Variants in SCAF4 observed in about 807,000 individuals in gnomAD.
SCAF4 encodes the protein SR-related and CTD-associated factor 4.
In SCAF4, 25 loss-of-function variants were observed where a neutral mutation model predicts 129.8. The ratio of observed to expected loss-of-function variants is 0.19; its 90% confidence interval spans 0.14 to 0.27. The LOEUF (loss-of-function observed/expected upper bound fraction) is 0.27, where lower values mean the gene tolerates loss of function less well. Among genes scored for constraint, SCAF4 ranks in the 10% least tolerant of loss-of-function variants. SCAF4 has a pLI of 1.00. For missense variants in SCAF4, 1,246 were observed against 1,457.1 expected (o/e 0.86, Z 2.36); for synonymous variants, 551 against 497.7 (o/e 1.11, Z -1.43).
chr21:31,722,377 A>T (rs997792823), intron 1 of SCAF4, among the ~76,000 whole-genome samples: 15 of 152,174 alleles, frequency 9.9e-5, no homozygotes, highest in African/African-American at 3.6e-4. Context: ...TAGTATATTC[A>T]AAATTATAGC....
chr21:31,688,745 G>A (rs982773329), intron 15 of SCAF4, among the ~76,000 whole-genome samples: 12 of 152,188 alleles, frequency 7.9e-5, no homozygotes, highest in Non-Finnish European at 1.8e-4. Flanking sequence ...TTTCACAAAT[G>A]AGAAAAGCAA....
chr21:31,672,491 AC>A, intron 19 of SCAF4, 137 bp from the exon 20 acceptor site: 1 of 729,180 alleles, frequency 1.4e-6, no homozygotes, highest in Non-Finnish European at 2.3e-6. Flanking sequence ...TCTGTCACAA[AC>A]CCAGTGTGAG....
chr21:31,671,236 G>T lies in SCAF4; in HGVS notation c.*163C>A. 1 of 570,554 alleles carries T rather than the reference G, an allele frequency of 1.8e-6. No homozygotes were observed. Among genetic ancestry groups the T allele is most frequent in the Non-Finnish European group, 2.8e-6 (1 of 355,416 alleles). The allele number at this position is 570,554 out of a possible 1,614,324, so 35.3% of individuals were successfully genotyped here. ...TATTTTCAGTATTTTTTGTTATTTTGTGGCTATTTTTAAATAGAAGGGAAG... is the reference window on the plus strand; with the variant it reads ...TATTTTCAGTATTTTTTGTTATTTTTTGGCTATTTTTAAATAGAAGGGAAG... On this transcript the variant is annotated 3_prime_UTR_variant, in exon 20 of 20. Coordinates refer to ENST00000286835, the MANE Select transcript of SCAF4 (RefSeq NM_020706.2).
At chr21:31,712,636 C>T (rs1263237123) in intron 1 of SCAF4, among the ~76,000 whole-genome samples, 3 of 151,136 alleles carry the variant, frequency 2.0e-5, no homozygotes, top group Non-Finnish European at 1.5e-5. Context: ...TTAAGTGACT[C>T]TCCTGCCTCA....
intron 1 of SCAF4, among the ~76,000 whole-genome samples, chr21:31,712,682 C>T (rs1186743389): frequency 1.3e-5 from 2 of 152,016 alleles, no homozygotes; most frequent in Non-Finnish European, 2.9e-5. Context: ...GCGCCTGCCA[C>T]CATGCCTGGC....
intron 19 of SCAF4, among the ~76,000 whole-genome samples, chr21:31,676,621 T>C (rs1434884210): frequency 6.6e-6 from 1 of 152,222 alleles, no homozygotes; most frequent in African/African-American, 2.4e-5. Flanking sequence ...CATTCTCATG[T>C]CCTGGATGAG....
intron 2 of SCAF4, among the ~76,000 whole-genome samples, chr21:31,705,741 G>A (rs2050643099): frequency 6.6e-6 from 1 of 152,014 alleles, no homozygotes; most frequent in Non-Finnish European, 1.5e-5. Flanking sequence ...GCAACCTTAT[G>A]GGACAAAACC....
At chr21:31,698,568 T>C (rs8132446) in intron 7 of SCAF4, among the ~76,000 whole-genome samples, 6,240 of 152,168 alleles carry the variant, frequency 0.041, 441 homozygotes, top group African/African-American at 0.14. Context: ...CTAATCTAGG[T>C]GTTGCTGTGA....
chr21:31,712,905 AAAATAATCAGTGCTTAAT>A, intron 1 of SCAF4: 1 of 965,122 alleles, frequency 1.0e-6, no homozygotes, highest in Non-Finnish European at 1.2e-6. Flanking sequence ...GAAAGCATCT[AAAATAATCAGTGCTTAAT>A]AAATGTCTTG....
intron 19 of SCAF4, 62 bp downstream of exon 19, chr21:31,684,987 T>G (rs1433799769): frequency 2.5e-5 from 11 of 442,142 alleles, no homozygotes; most frequent in African/African-American, 8.0e-5. Flanking sequence ...AACTTGGGGA[T>G]GGGTGGGGGG....
Position 31,731,900 on chromosome 21 carries a change from G to A in SCAF4, c.-208C>T. On this transcript the variant is annotated 5_prime_UTR_variant, in exon 1 of 20. Coordinates refer to ENST00000286835, the MANE Select transcript of SCAF4 (RefSeq NM_020706.2). ...CGGAGAGGTGGCGGGCCCCCTCTCA[G>A]TCCCGTTCGCAGGATGAGGAAAAGG... 5.9e-6 allele frequency: 3 copies of A among 505,684 alleles called. No individual in the cohort carries two copies. Among genetic ancestry groups the A allele is most frequent in the Non-Finnish European group, 1.0e-5 (3 of 293,926 alleles). The allele number at this position is 505,684 out of a possible 1,614,324, so 31.3% of individuals were successfully genotyped here. A position where few individuals can be genotyped will look rare whatever the true frequency, so the allele number is the denominator to read the frequency against.
rs1243669383 is a variant in SCAF4 at position 31,732,063 on chromosome 21, C to T, written c.-371G>A. ...CGGCGAGCGGGCGGGCCTCTCTCTCCCTCTCTCCAGCGGGATGGCGGCAGC... is the reference window on the plus strand; with the variant it reads ...CGGCGAGCGGGCGGGCCTCTCTCTCTCTCTCTCCAGCGGGATGGCGGCAGC... On this transcript the variant is annotated 5_prime_UTR_variant, in exon 1 of 20. Transcript: ENST00000286835. The T allele has an allele frequency of 4.7e-6, 2 of 422,966 alleles. No homozygotes were observed. Among genetic ancestry groups the T allele is most frequent in the Non-Finnish European group, 8.2e-6 (2 of 242,512 alleles). The allele number at this position is 422,966 out of a possible 1,614,324, so 26.2% of individuals were successfully genotyped here.
chr21:31,704,441 G>C (rs2050606025), intron 3 of SCAF4, among the ~76,000 whole-genome samples: 1 of 151,938 alleles, frequency 6.6e-6, no homozygotes, highest in African/African-American at 2.4e-5. Flanking sequence ...TCTGGTGGTA[G>C]TGGAAACAGG....
chr21:31,681,595 T>C (rs903088604), intron 19 of SCAF4, among the ~76,000 whole-genome samples: 2 of 152,250 alleles, frequency 1.3e-5, no homozygotes, highest in Admixed American at 6.5e-5. Flanking sequence ...ATGTTACCTT[T>C]AGCTTTTATG....
chr21:31,722,012 G>A (rs1001821440), intron 1 of SCAF4, among the ~76,000 whole-genome samples: 14 of 151,980 alleles, frequency 9.2e-5, no homozygotes, highest in Non-Finnish European at 1.5e-4. Context: ...GAGCCACCAC[G>A]CCTGGCCTGA....
At chr21:31,727,747 C>T (rs942664019) in intron 1 of SCAF4, among the ~76,000 whole-genome samples, 1 of 151,728 alleles carries the variant, frequency 6.6e-6, no homozygotes, top group Non-Finnish European at 1.5e-5. Context: ...GCTGAGATTG[C>T]GCCACTGCAC....
intron 1 of SCAF4, among the ~76,000 whole-genome samples, chr21:31,721,510 CAG>C (rs1331886413): frequency 3.3e-5 from 5 of 152,134 alleles, no homozygotes; most frequent in Non-Finnish European, 7.4e-5. Flanking sequence ...ACACTCATGA[CAG>C]AATGCATTAA....
intron 19 of SCAF4, among the ~76,000 whole-genome samples, chr21:31,681,436 T>G (rs775775200): frequency 1.3e-5 from 2 of 152,192 alleles, no homozygotes; most frequent in Non-Finnish European, 2.9e-5. Context: ...AATGAACTTT[T>G]TAATAAAAAT....
intron 1 of SCAF4, among the ~76,000 whole-genome samples, chr21:31,711,332 T>G (rs1278282435): frequency 6.6e-6 from 1 of 152,228 alleles, no homozygotes; most frequent in Non-Finnish European, 1.5e-5. Flanking sequence ...CTCTACCTTT[T>G]GCAAGACAAA....
Sources: allele counts gnomAD v4.1 joint callset (sites outside exome capture counted in the v4.1 genomes callset), GRCh38; gene constraint gnomAD v4.1.1; transcripts MANE v1.5; gene names NCBI Gene and HGNC (gene_info 2026-07-23, HGNC 2026-07-21).